Variants in TAPT1 observed in about 807,000 individuals in gnomAD.
TAPT1 encodes transmembrane anterior posterior transformation 1.
A neutral mutation model predicts 65.6 loss-of-function variants in TAPT1; 28 were observed. The ratio of observed to expected loss-of-function variants is 0.43; its 90% CI spans 0.32 to 0.59. TAPT1 has a LOEUF of 0.59. Among genes scored for constraint, TAPT1 ranks in the 20% least tolerant of loss-of-function variants. The pLI, the probability that TAPT1 is intolerant of heterozygous loss-of-function variation, is 0.09. For missense variants in TAPT1, 563 were observed against 679.9 expected, an observed-to-expected ratio of 0.83 and a Z score of 1.91; for synonymous variants, 278 against 245.2, an observed-to-expected ratio of 1.13 and a Z score of -1.25.
chr4:16,196,181 T>G (rs913692295), intron 3 of TAPT1, among the ~76,000 whole-genome samples: 14 of 152,190 alleles, frequency 9.2e-5, no homozygotes, highest in African/African-American at 3.4e-4. Flanking sequence ...AAATTAAGTA[T>G]CTTAAATCTT....
intron 12 of TAPT1, among the ~76,000 whole-genome samples, chr4:16,170,267 C>T (rs1161685450): frequency 3.9e-5 from 6 of 152,170 alleles, no homozygotes; most frequent in Admixed American, 6.5e-5. Context: ...TTTGGGTTTA[C>T]GTGATGCCTG....
intron 12 of TAPT1, among the ~76,000 whole-genome samples, chr4:16,168,945 TG>T (rs1324955339): frequency 2.6e-5 from 4 of 151,944 alleles, no homozygotes; most frequent in Non-Finnish European, 5.9e-5. Flanking sequence ...CCGGGTGTGG[TG>T]GGGGAAAGTT....
intron 1 of TAPT1, among the ~76,000 whole-genome samples, chr4:16,218,276 G>T (rs1031706394): frequency 1.3e-5 from 2 of 152,070 alleles, no homozygotes; most frequent in African/African-American, 4.8e-5. Flanking sequence ...GTGGTGGCAG[G>T]TGCCTGTAAT....
chr4:16,178,021 G>A (rs1748452625), intron 8 of TAPT1, among the ~76,000 whole-genome samples: 1 of 152,170 alleles, frequency 6.6e-6, no homozygotes, highest in Non-Finnish European at 1.5e-5. Context: ...TGTCTAGGAG[G>A]CATAAAGACT....
At chr4:16,218,982 T>C (rs1371549727) in intron 1 of TAPT1, among the ~76,000 whole-genome samples, 1 of 152,186 alleles carries the variant, frequency 6.6e-6, no homozygotes. Flanking sequence ...TACCTCTAGA[T>C]ATCCAAGAAT....
chr4:16,223,234 C>T (rs986897730), intron 1 of TAPT1, among the ~76,000 whole-genome samples: 2 of 152,220 alleles, frequency 1.3e-5, no homozygotes, highest in East Asian at 1.9e-4. Context: ...AGTTGATTTG[C>T]TGTACTTAGA....
intron 4 of TAPT1, among the ~76,000 whole-genome samples, chr4:16,189,738 C>T (rs947840888): frequency 1.3e-5 from 2 of 152,304 alleles, no homozygotes; most frequent in South Asian, 2.1e-4. Context: ...AATGTGAATA[C>T]GTATATAAAT....
At chr4:16,194,518 A>G (rs924294294) in intron 3 of TAPT1, among the ~76,000 whole-genome samples, 3 of 152,086 alleles carry the variant, frequency 2.0e-5, no homozygotes, top group African/African-American at 7.2e-5. Flanking sequence ...GGAATCAACA[A>G]CTCAGAACCT....
At position 16,160,695 on chromosome 4, in the gene TAPT1, A is replaced by T. The variant is rs1283266826; in HGVS notation, c.*2613T>A. On this transcript the variant is annotated 3_prime_UTR_variant, in exon 14 of 14. Coordinates refer to ENST00000405303, the MANE Select transcript of TAPT1 (RefSeq NM_153365.3). ...AGTTTCTGACACATAGGAAGTGATT[A>T]ACAAATCTTTGTTGATAAAAAATAG... The T allele has an allele frequency of 6.6e-6, 1 of 152,242 alleles. No homozygotes were observed. Among genetic ancestry groups the T allele is most frequent in the Admixed American group, 6.5e-5 (1 of 15,288 alleles). The allele number at this position is 152,242 out of a possible 1,614,324, so 9.4% of individuals were successfully genotyped here. A position where few individuals can be genotyped will look rare whatever the true frequency, so the allele number is the denominator to read the frequency against.
At position 16,226,397 on chromosome 4, in the gene TAPT1, GGCCGTCCAC is replaced by G. The variant is rs1293850279; in HGVS notation, c.52_60del (p.Val18_Gly20del). ...GCCTCGCCGCGGCCGTCCCGCTGCG[GGCCGTCCAC>G]GCCGCCACCGCCGCCTTCTCCCGGA... On this transcript the variant is annotated inframe_deletion, in exon 1 of 14. Transcript: ENST00000405303. 2.7e-5 allele frequency: 30 copies of G among 1,095,732 alleles called. No individual in the cohort carries two copies. Among genetic ancestry groups the G allele is most frequent in the Non-Finnish European group, 3.3e-5 (30 of 902,186 alleles). 67.9% of individuals were successfully genotyped at this position (1,095,732 alleles called of 1,614,324 possible).
chr4:16,166,992 T>TG (rs1491563266), intron 12 of TAPT1, 199 bp from the exon 13 acceptor site: 1 of 58,972 alleles, frequency 1.7e-5, no homozygotes, highest in African/African-American at 1.5e-4. Flanking sequence ...CTTAGTTCTC[T>TG]TTTTTTTTTT....
intron 7 of TAPT1, among the ~76,000 whole-genome samples, chr4:16,184,322 A>C (rs2149685210): frequency 6.6e-6 from 1 of 152,314 alleles, no homozygotes; most frequent in Non-Finnish European, 1.5e-5. Context: ...TCTGAGACCT[A>C]CATAGCTGAC....
intron 1 of TAPT1, chr4:16,225,981 C>T (rs1255062346): frequency 8.0e-6 from 8 of 996,122 alleles, no homozygotes; most frequent in Non-Finnish European, 9.6e-6. Context: ...ATGCAAGGAC[C>T]CGGACAGAAC....
rs74876134 is a variant in TAPT1 at position 16,164,481 on chromosome 4, A to C, written c.1475-944T>G. ...ACACTCAGGTCGTCATCCTGAATGT[A>C]CTTCTCATAACATGACCCCTGAGTC... On this transcript the variant is annotated intron_variant, in intron 13 of 13. Transcript: ENST00000405303. Among the ~76,000 whole-genome samples the C allele has an allele frequency of 3.4e-3, 511 of 152,292 alleles. 11 individuals are homozygous for C. The East Asian group carries it at 0.061, about 18-fold the overall frequency.
At chr4:16,179,549 A>T in intron 8 of TAPT1, 28 bp downstream of exon 8, 1 of 1,360,884 alleles carries the variant, frequency 7.3e-7, no homozygotes, top group Non-Finnish European at 1.0e-6. Context: ...TAAAATTATA[A>T]GACACTGTTT....
chr4:16,168,341 C>G (rs984671551), intron 12 of TAPT1, among the ~76,000 whole-genome samples: 11 of 152,134 alleles, frequency 7.2e-5, no homozygotes, highest in African/African-American at 2.7e-4. Context: ...AACTCTTGGG[C>G]TCAAGCAATC....
At chr4:16,179,746 G>A (rs1477694255) in intron 7 of TAPT1, 89 bp from the exon 8 acceptor site, 6 of 585,612 alleles carry the variant, frequency 1.0e-5, no homozygotes, top group Non-Finnish European at 1.7e-5. Context: ...AGAACATGAT[G>A]AAATTATTAG....
intron 3 of TAPT1, among the ~76,000 whole-genome samples, chr4:16,199,847 C>T (rs1195472325): frequency 2.0e-5 from 3 of 152,086 alleles, no homozygotes; most frequent in Admixed American, 2.0e-4. Flanking sequence ...ACCTTGGCCT[C>T]CCAAAGTTCT....
At position 16,197,887 on chromosome 4, in the gene TAPT1, G is replaced by A. The variant is rs114300840; in HGVS notation, c.449+4575C>T. Among the ~76,000 whole-genome samples, 717 of 152,096 alleles carry A rather than the reference G, an allele frequency of 4.7e-3. 6 individuals carry two copies. The highest frequency in any genetic ancestry group is 0.017 in the African/African-American group (688 of 41,486). On this transcript the variant is annotated intron_variant, in intron 3 of 13. Transcript: ENST00000405303. ...TAAGTCTACAACAAAATATTTGTGG[G>A]CAAAGATTTTTCAAGGTTGTTAATT...
Sources: allele counts gnomAD v4.1 joint callset (sites outside exome capture counted in the v4.1 genomes callset), GRCh38; gene constraint gnomAD v4.1.1; transcripts MANE v1.5; gene names NCBI Gene and HGNC (gene_info 2026-07-23, HGNC 2026-07-21).